FRA10AC1: variants seen among roughly 807,000 people sequenced by gnomAD.
FRA10AC1 encodes protein FRA10AC1.
Under a neutral mutation model 56.5 loss-of-function variants are expected in FRA10AC1, and 43 were observed. The ratio of observed to expected loss-of-function variants is 0.76; its 90% confidence interval spans 0.60 to 0.98. The LOEUF (loss-of-function observed/expected upper bound fraction) is 0.98. Among genes scored for constraint, FRA10AC1 ranks in the 50% least tolerant of loss-of-function variants. The pLI, the probability that FRA10AC1 is intolerant of heterozygous loss-of-function variation, is 0.00. For missense variants in FRA10AC1, 346 were observed against 351.8 expected (o/e 0.98, Z 0.13); for synonymous variants, 112 against 110.5 (o/e 1.01, Z -0.09).
At chr10:93,677,431 G>A (rs916391750) in intron 11 of FRA10AC1, among the ~76,000 whole-genome samples, 1 of 152,128 alleles carries the variant, frequency 6.6e-6, no homozygotes, top group African/African-American at 2.4e-5. Context: ...GAACTACAGG[G>A]TAAGGAAACA....
rs1367966670 is a variant in FRA10AC1 at position 93,698,186 on chromosome 10, TAAAAC to T, written c.174-10_174-6del. The stretch of plus-strand genomic sequence containing the variant: ...CTTCTATTTCTTGCTTCTTCCCTGT[TAAAAC>T]AAATTTTTTTAAGAAAATTCAAAAT... On this transcript the variant is annotated splice_polypyrimidine_tract_variant and splice_region_variant and intron_variant, in intron 3 of 13. Transcript: ENST00000359204. 1 of 1,577,450 alleles carries T rather than the reference TAAAAC, an allele frequency of 6.3e-7. No individual in the cohort carries two copies. The highest frequency in any genetic ancestry group is 1.4e-5 in the African/African-American group (1 of 73,614).
chr10:93,700,046 TG>T lies in FRA10AC1; in HGVS notation c.60del (p.Ser21AlafsTer49). On this transcript the variant is annotated frameshift_variant, in exon 2 of 14. Transcript: ENST00000359204. LOFTEE classifies it high-confidence loss of function. ...DFSDDERCGE[S>X]SKRKKRTVED... ...ATTACTTACCTTTTTTTCCTTTTGC[TG>T]GATTCTCCACAGCGTTCATCATCAC... 1 of 1,587,312 alleles carries T rather than the reference TG, an allele frequency of 6.3e-7. No homozygotes were observed. Among genetic ancestry groups the T allele is most frequent in the Non-Finnish European group, 8.6e-7 (1 of 1,159,416 alleles).
At chr10:93,694,599 A>G (rs1405737756) in intron 5 of FRA10AC1, among the ~76,000 whole-genome samples, 1 of 151,800 alleles carries the variant, frequency 6.6e-6, no homozygotes, top group Non-Finnish European at 1.5e-5. Flanking sequence ...CTGTAATCCC[A>G]GCTACTCGGG....
chr10:93,687,894 A>G (rs896731682), intron 7 of FRA10AC1: 4 of 148,860 alleles, frequency 2.7e-5, no homozygotes, highest in African/African-American at 9.7e-5. Flanking sequence ...ATATATGTAA[A>G]GTAGAAATAT....
At chr10:93,687,566 C>A in intron 7 of FRA10AC1, 117 bp from the exon 8 acceptor site, 2 of 980,364 alleles carry the variant, frequency 2.0e-6, no homozygotes, top group East Asian at 3.0e-5. Flanking sequence ...CCCATCATGA[C>A]AGATTTTTCT....
rs774741808 is a variant in FRA10AC1, at chr10:93,684,064, G to A, written c.660C>T (p.Phe220=). Residue 220 remains phenylalanine (F), a synonymous_variant, in exon 10 of 14, where the codon TTC becomes TTT. Transcript: ENST00000359204. Reference sequence around the variant, plus strand: ...ATTTTAAAAGACATTACCTGTGATGGAAATTTAATTTAATGGAACATTCTT... The same window carrying A: ...ATTTTAAAAGACATTACCTGTGATGAAAATTTAATTTAATGGAACATTCTT... ...LCQECSIKLN[F]HHRRKEIKSK... is the part of the protein sequence containing the mutation. 1.2e-6 allele frequency: 2 copies of A among 1,602,800 alleles called. No individual in the cohort carries two copies. Among genetic ancestry groups the A allele is most frequent in the Non-Finnish European group, 1.7e-6 (2 of 1,170,628 alleles).
chr10:93,693,007 G>A (rs1045416405), intron 5 of FRA10AC1, among the ~76,000 whole-genome samples: 4 of 152,048 alleles, frequency 2.6e-5, no homozygotes, highest in Admixed American at 2.6e-4. Flanking sequence ...AAGCTAGAAT[G>A]AGAAACCTGA....
chr10:93,696,095 T>C (rs1443866952), intron 4 of FRA10AC1, among the ~76,000 whole-genome samples: 2 of 152,140 alleles, frequency 1.3e-5, no homozygotes, highest in Non-Finnish European at 2.9e-5. Flanking sequence ...CTCATACTAA[T>C]AACAACTAAA....
At chr10:93,683,955 C>A in intron 10 of FRA10AC1, 101 bp downstream of exon 10, 1 of 789,374 alleles carries the variant, frequency 1.3e-6, no homozygotes, top group Non-Finnish European at 2.1e-6. Flanking sequence ...TCAACCAATT[C>A]AACCATCAAC....
In FRA10AC1 at chr10:93,694,026, A is replaced by G. The variant is rs1190947228; in HGVS notation, c.296+835T>C. Among the ~76,000 whole-genome samples, 3 of 152,004 alleles carry G rather than the reference A, an allele frequency of 2.0e-5. No individual in the cohort carries two copies. In the South Asian group the frequency reaches 6.2e-4, roughly 32 times the overall value. On this transcript the variant is annotated intron_variant, in intron 5 of 13. Transcript: ENST00000359204. ...CACTAAAATCTCAGAAATCACCACT[A>G]AAGAACTTATCCAGGCAACCAAAAA...
chr10:93,695,533 C>G (rs2059217588), intron 4 of FRA10AC1, among the ~76,000 whole-genome samples: 1 of 151,814 alleles, frequency 6.6e-6, no homozygotes, highest in Non-Finnish European at 1.5e-5. Context: ...AATATATGAG[C>G]ATTTTACTTT....
At chr10:93,687,644 T>C (rs1179839858) in intron 7 of FRA10AC1, 195 bp from the exon 8 acceptor site, 1 of 466,566 alleles carries the variant, frequency 2.1e-6, no homozygotes, top group African/African-American at 2.0e-5. Context: ...CAATCTACTT[T>C]AAGATAGCTT....
rs368987348 is a variant in FRA10AC1 at position 93,693,673 on chromosome 10, C to CATAT, written c.297-948_297-945dup. On this transcript the variant is annotated intron_variant, in intron 5 of 13. Transcript: ENST00000359204. ...ATATATATACCATATATATATACAC[C>CATAT]ATATATATATATATATACCATATAT... 2.0e-3 allele frequency among the ~76,000 whole-genome samples: 180 copies of CATAT among 92,098 alleles called. 7 individuals carry two copies. The highest frequency in any genetic ancestry group is 6.4e-3 in the Middle Eastern group (1 of 156). The allele number at this position is 92,098 out of a possible 152,430, so 60.4% of individuals were successfully genotyped here. A position where few individuals can be genotyped will look rare whatever the true frequency, so the allele number is the denominator to read the frequency against.
At chr10:93,691,510 A>C (rs1490005535) in intron 7 of FRA10AC1, among the ~76,000 whole-genome samples, 1 of 152,192 alleles carries the variant, frequency 6.6e-6, no homozygotes, top group Non-Finnish European at 1.5e-5. Flanking sequence ...TAAGATGTAA[A>C]GTGGGAAAGG....
rs1188192448 is a variant in FRA10AC1 at position 93,702,476 on chromosome 10, A to AGCACAGGTCCCGTGCGCCCTGCC, written c.-125_-103dup. 1 of 192,474 alleles carries AGCACAGGTCCCGTGCGCCCTGCC rather than the reference A, an allele frequency of 5.2e-6. No individual in the cohort carries two copies. The highest frequency in any genetic ancestry group is 1.0e-5 in the Non-Finnish European group (1 of 95,888). The allele number at this position is 192,474 out of a possible 1,614,324, so 11.9% of individuals were successfully genotyped here. Reference sequence around the variant, plus strand: ...ACCCACGGCCTGAGAGAGCCGCTGCAGCACAGGTCCCGTGCGCCCTGCCGC... The same window carrying AGCACAGGTCCCGTGCGCCCTGCC: ...ACCCACGGCCTGAGAGAGCCGCTGCAGCACAGGTCCCGTGCGCCCTGCCGCACAGGTCCCGTGCGCCCTGCCGC... On this transcript the variant is annotated 5_prime_UTR_variant, in exon 1 of 14. Transcript: ENST00000359204.
chr10:93,683,994 G>A, intron 10 of FRA10AC1, 62 bp downstream of exon 10: 1 of 1,063,204 alleles, frequency 9.4e-7, no homozygotes, highest in Non-Finnish European at 1.4e-6. Context: ...GATACTTAGT[G>A]CAGGTAAATG....
intron 11 of FRA10AC1, among the ~76,000 whole-genome samples, chr10:93,679,943 C>A (rs12780219): frequency 2.0e-5 from 3 of 151,840 alleles, no homozygotes; most frequent in Non-Finnish European, 4.4e-5. Flanking sequence ...AGGATAATCC[C>A]CAGATTTCTG....
chr10:93,670,237 G>GA, intron 13 of FRA10AC1, among the ~76,000 whole-genome samples: 1 of 152,122 alleles, frequency 6.6e-6, no homozygotes, highest in South Asian at 2.1e-4. Context: ...GAATAAAAAA[G>GA]AAACTATTTT....
At chr10:93,679,616 A>G (rs10509661) in intron 11 of FRA10AC1, among the ~76,000 whole-genome samples, 61,730 of 152,030 alleles carry the variant, frequency 0.41, 14,675 homozygotes, top group Non-Finnish European at 0.52. Flanking sequence ...CGTGAGGTAC[A>G]GAGTGGTAAG....
Sources: gnomAD v4.1 joint callset for allele counts (sites outside exome capture counted in the v4.1 genomes callset) on GRCh38, gnomAD v4.1.1 for gene constraint, MANE v1.5 for transcripts, NCBI Gene and HGNC (gene_info 2026-07-23, HGNC 2026-07-21) for gene names.